SPOCK1: variants seen among roughly 807,000 people sequenced by gnomAD.
SPOCK1 encodes SPARC (osteonectin), cwcv and kazal like domains proteoglycan 1, also known as testican-1.
In SPOCK1, 23 loss-of-function variants were observed where a neutral mutation model predicts 55.3. That is an observed-to-expected ratio of 0.42 (90% CI 0.30 to 0.59). The LOEUF (loss-of-function observed/expected upper bound fraction) is 0.59, where lower values mean the gene tolerates loss of function less well. Ranked by LOEUF, SPOCK1 falls within the 20% of genes least tolerant of loss-of-function variation. The pLI is 0.22. For missense variants in SPOCK1, 499 were observed against 552.5 expected, an observed-to-expected ratio of 0.90 and a Z score of 0.97; for synonymous variants, 226 against 221.0, an observed-to-expected ratio of 1.02 and a Z score of -0.20.
chr5:137,482,899 G>A (rs1753979431), intron 2 of SPOCK1, among the ~76,000 whole-genome samples: 2 of 152,192 alleles, frequency 1.3e-5, no homozygotes, highest in African/African-American at 2.4e-5. Flanking sequence ...TCACAGTGCA[G>A]CCAATTTACT....
At chr5:137,262,551 G>A (rs1186599699) in intron 3 of SPOCK1, among the ~76,000 whole-genome samples, 1 of 152,222 alleles carries the variant, frequency 6.6e-6, no homozygotes, top group East Asian at 1.9e-4. Flanking sequence ...TGTCCCCCAA[G>A]AGACGTCTTC....
chr5:137,395,536 C>A (rs1253615392), intron 2 of SPOCK1, among the ~76,000 whole-genome samples: 1 of 152,180 alleles, frequency 6.6e-6, no homozygotes. Context: ...CCAGATCTGG[C>A]ACTTGATACC....
At chr5:137,219,269 G>A (rs139651272) in intron 3 of SPOCK1, among the ~76,000 whole-genome samples, 2 of 152,288 alleles carry the variant, frequency 1.3e-5, no homozygotes, top group East Asian at 3.9e-4. Flanking sequence ...GCAGGATTCT[G>A]GCAGTGGGTG....
At chr5:137,418,562 T>C (rs1282428101) in intron 2 of SPOCK1, among the ~76,000 whole-genome samples, 1 of 152,266 alleles carries the variant, frequency 6.6e-6, no homozygotes, top group Non-Finnish European at 1.5e-5. Context: ...CCACTGATGA[T>C]GAGCATTTTT....
chr5:137,415,729 G>A (rs891124974), intron 2 of SPOCK1, among the ~76,000 whole-genome samples: 6 of 152,160 alleles, frequency 3.9e-5, no homozygotes, highest in East Asian at 1.9e-4. Flanking sequence ...GAGTCTGGTG[G>A]CAAGCTCACT....
chr5:137,050,964 A>C (rs944662151), intron 6 of SPOCK1, among the ~76,000 whole-genome samples: 8 of 152,248 alleles, frequency 5.3e-5, no homozygotes, highest in African/African-American at 1.7e-4. Context: ...CAGATGGAAC[A>C]ACAACTTAAC....
At chr5:137,132,975 G>A (rs1753912273) in intron 4 of SPOCK1, among the ~76,000 whole-genome samples, 1 of 152,190 alleles carries the variant, frequency 6.6e-6, no homozygotes, top group Non-Finnish European at 1.5e-5. Flanking sequence ...CCCATCTTCA[G>A]ATGGTACTGA....
At chr5:137,126,383 G>A (rs991888334) in intron 4 of SPOCK1, among the ~76,000 whole-genome samples, 1 of 152,090 alleles carries the variant, frequency 6.6e-6, no homozygotes, top group African/African-American at 2.4e-5. Context: ...CCAGCCTCAG[G>A]TGTTCCTTCA....
chr5:137,368,337 G>A (rs1751121475), intron 2 of SPOCK1, among the ~76,000 whole-genome samples: 1 of 152,178 alleles, frequency 6.6e-6, no homozygotes, highest in Non-Finnish European at 1.5e-5. Context: ...AATGACAACT[G>A]GACCATGCCA....
At chr5:137,320,341 G>T (rs1757958988) in intron 2 of SPOCK1, among the ~76,000 whole-genome samples, 1 of 152,180 alleles carries the variant, frequency 6.6e-6, no homozygotes. Context: ...GCTTGTGGCA[G>T]CACCAGAGAA....
chr5:137,088,805 T>C (rs1026549693), intron 5 of SPOCK1, among the ~76,000 whole-genome samples: 4 of 152,146 alleles, frequency 2.6e-5, no homozygotes, highest in Non-Finnish European at 4.4e-5. Flanking sequence ...GGTTGAAAGA[T>C]GGAAAGCCAT....
At position 136,975,545 on chromosome 5, in the gene SPOCK1, C is replaced by A. The variant is rs1215258454; in HGVS notation, c.*3109G>T. ...ATTTAACAGGAACAAACATCAGTGACTTTGAGAAAAAGTTATAAAAAGACC... is the reference window on the plus strand; with the variant it reads ...ATTTAACAGGAACAAACATCAGTGAATTTGAGAAAAAGTTATAAAAAGACC... On this transcript the variant is annotated 3_prime_UTR_variant, in exon 11 of 11. Transcript: ENST00000394945. 1.3e-5 allele frequency: 2 copies of A among 152,442 alleles called. 1 individual carries two copies. Among genetic ancestry groups the A allele is most frequent in the African/African-American group, 4.8e-5 (2 of 41,430 alleles). 9.4% of individuals were successfully genotyped at this position (152,442 alleles called of 1,614,324 possible).
chr5:137,217,266 G>A (rs1755734752), intron 3 of SPOCK1, among the ~76,000 whole-genome samples: 1 of 152,192 alleles, frequency 6.6e-6, no homozygotes, highest in African/African-American at 2.4e-5. Context: ...CGTGGTTGTA[G>A]GAGCACTGAG....
chr5:137,443,123 GCCAC>G (rs1753053200), intron 2 of SPOCK1, among the ~76,000 whole-genome samples: 1 of 152,052 alleles, frequency 6.6e-6, no homozygotes, highest in Non-Finnish European at 1.5e-5. Flanking sequence ...ACACAGATCT[GCCAC>G]TTTGGCTGGA....
At chr5:137,300,988 G>A (rs1757578758) in intron 2 of SPOCK1, among the ~76,000 whole-genome samples, 1 of 152,174 alleles carries the variant, frequency 6.6e-6, no homozygotes, top group Non-Finnish European at 1.5e-5. Context: ...TTCTTTAGGA[G>A]TCTAGTCTAA....
At chr5:137,356,544 C>T (rs1298766673) in intron 2 of SPOCK1, among the ~76,000 whole-genome samples, 1 of 151,582 alleles carries the variant, frequency 6.6e-6, no homozygotes, top group African/African-American at 2.4e-5. Context: ...AATCCCAGCA[C>T]TTTGGGAGTC....
intron 3 of SPOCK1, among the ~76,000 whole-genome samples, chr5:137,191,054 T>C (rs1285277564): frequency 2.0e-5 from 3 of 152,252 alleles, no homozygotes; most frequent in African/African-American, 7.2e-5. Flanking sequence ...TGTTCCTGGC[T>C]GTCTTCTATT....
chr5:137,201,263 T>C (rs920472852), intron 3 of SPOCK1, among the ~76,000 whole-genome samples: 7 of 152,242 alleles, frequency 4.6e-5, no homozygotes, highest in African/African-American at 1.7e-4. Flanking sequence ...GGATGGAATG[T>C]TGATTACAAA....
intron 3 of SPOCK1, among the ~76,000 whole-genome samples, chr5:137,206,005 G>A (rs759451379): frequency 2.0e-5 from 3 of 152,162 alleles, no homozygotes; most frequent in Non-Finnish European, 4.4e-5. Flanking sequence ...GCAAAGCCAG[G>A]GTGAGAAGCC....
Sources: allele counts gnomAD v4.1 joint callset (sites outside exome capture counted in the v4.1 genomes callset), GRCh38; gene constraint gnomAD v4.1.1; transcripts MANE v1.5; gene names NCBI Gene and HGNC (gene_info 2026-07-23, HGNC 2026-07-21).